Variants in PCDHA13 observed in about 807,000 individuals in gnomAD.
PCDHA13 encodes the protein protocadherin alpha 13.
A neutral mutation model predicts 64.8 loss-of-function variants in PCDHA13; 54 were observed. The observed-to-expected ratio is 0.83, with a 90% CI of 0.67 to 1.04. The LOEUF (loss-of-function observed/expected upper bound fraction) is 1.04, where lower values mean the gene tolerates loss of function less well. Among genes scored for constraint, PCDHA13 ranks in the 50% least tolerant of loss-of-function variants. PCDHA13 has a pLI of 0.00. For synonymous variants in PCDHA13, 587 were observed against 564.4 expected (o/e 1.04, Z -0.57); for missense variants, 1,248 against 1,254.3 (o/e 0.99, Z 0.08).
chr5:140,883,533 A>T lies in PCDHA13; in HGVS notation c.1265A>T (p.Glu422Val). 1.2e-6 allele frequency: 2 copies of T among 1,614,190 alleles called. No individual in the cohort carries two copies. The highest frequency in any genetic ancestry group is 2.2e-5 in the South Asian group (2 of 91,080). Residue 422 changes from glutamate (E) to valine (V), a missense_variant, in exon 1 of 4, where the codon GAA becomes GTA. Transcript: ENST00000289272. Reference protein sequence around the residue: ...ALDRESVSAYELVVTARDGGS... With the variant: ...ALDRESVSAYVLVVTARDGGS... ...GACCGCGAGAGCGTATCAGCCTATG[A>T]ACTGGTGGTGACCGCGCGGGACGGG...
Position 140,893,829 on chromosome 5 carries a change from A to G in PCDHA13, c.2394+9167A>G, listed in dbSNP as rs528174798. On this transcript the variant is annotated intron_variant, in intron 1 of 3. Transcript: ENST00000289272. ...TTGAGTCTGGTACCGTAGACTACTC[A>G]GCCATCCTGATGCCCTACCTCTTGT... Among the ~76,000 whole-genome samples the G allele has an allele frequency of 2.0e-5, 3 of 152,296 alleles. No homozygotes were observed. The South Asian group carries it at 6.2e-4, about 32-fold the overall frequency.
At chr5:140,966,198 T>C in intron 1 of PCDHA13, 1 of 214,428 alleles carries the variant, frequency 4.7e-6, no homozygotes, top group Non-Finnish European at 9.1e-6. Context: ...TTCTAGGGGC[T>C]TGACTGCTTT....
At chr5:140,970,693 G>C (rs2096425356) in intron 1 of PCDHA13, among the ~76,000 whole-genome samples, 1 of 152,134 alleles carries the variant, frequency 6.6e-6, no homozygotes, top group South Asian at 2.1e-4. Flanking sequence ...AGGGCTTTTA[G>C]AGCTACTACA....
chr5:140,924,901 A>AATAAAAT lies in PCDHA13; in HGVS notation c.2394+40240_2394+40241insTAAAATA, dbSNP rs145282866. On this transcript the variant is annotated intron_variant, in intron 1 of 3. Transcript: ENST00000289272. The stretch of plus-strand genomic sequence containing the variant: ...CAGAGCAAGAACCTGTCTCAAAAAA[A>AATAAAAT]AAAATAAAATAAAATAAAATAAAAT... 2.3e-3 allele frequency among the ~76,000 whole-genome samples: 186 copies of AATAAAAT among 80,480 alleles called. 2 individuals carry two copies. The highest frequency in any genetic ancestry group is 0.012 in the Middle Eastern group (2 of 162). The allele number at this position is 80,480 out of a possible 152,430, so 52.8% of individuals were successfully genotyped here. A position where few individuals can be genotyped will look rare whatever the true frequency, so the allele number is the denominator to read the frequency against.
intron 1 of PCDHA13, chr5:140,927,725 C>T (rs782731204): frequency 1.2e-6 from 2 of 1,614,202 alleles, no homozygotes; most frequent in South Asian, 2.2e-5. Flanking sequence ...AGCACGCAAG[C>T]AGAGCTGCGA....
At chr5:140,916,261 A>C (rs2077497892) in intron 1 of PCDHA13, among the ~76,000 whole-genome samples, 1 of 152,168 alleles carries the variant, frequency 6.6e-6, no homozygotes. Context: ...GGACCCCAAG[A>C]GCATGCTTGT....
chr5:140,976,190 C>T (rs1402016343), intron 1 of PCDHA13, among the ~76,000 whole-genome samples: 17 of 152,040 alleles, frequency 1.1e-4, no homozygotes, highest in African/African-American at 4.1e-4. Context: ...AATCAATATC[C>T]TGGAAACTCA....
At chr5:141,004,142 G>C (rs1323224367) in intron 3 of PCDHA13, among the ~76,000 whole-genome samples, 1 of 152,214 alleles carries the variant, frequency 6.6e-6, no homozygotes, top group African/African-American at 2.4e-5. Flanking sequence ...TGCCCCAAAG[G>C]CATGACATTT....
chr5:140,923,792 T>G (rs2081513332), intron 1 of PCDHA13, among the ~76,000 whole-genome samples: 1 of 152,310 alleles, frequency 6.6e-6, no homozygotes, highest in South Asian at 2.1e-4. Flanking sequence ...CTTCATTCTT[T>G]TCACAAATGA....
At chr5:140,958,339 G>A (rs1177083248) in intron 1 of PCDHA13, among the ~76,000 whole-genome samples, 2 of 152,024 alleles carry the variant, frequency 1.3e-5, no homozygotes, top group African/African-American at 4.8e-5. Context: ...TAAATCACAG[G>A]AAGTTCACAG....
chr5:140,951,243 A>G (rs1192486913), intron 1 of PCDHA13, among the ~76,000 whole-genome samples: 3 of 152,172 alleles, frequency 2.0e-5, no homozygotes, highest in Non-Finnish European at 4.4e-5. Context: ...ACCTTTAGGA[A>G]TGCATCACAT....
intron 1 of PCDHA13, among the ~76,000 whole-genome samples, chr5:140,912,408 T>A (rs1376927432): frequency 6.6e-6 from 1 of 152,054 alleles, no homozygotes; most frequent in Non-Finnish European, 1.5e-5. Flanking sequence ...TCAGCTTGGT[T>A]ATTATTGGTG....
chr5:140,914,619 T>G (rs1554196515), intron 1 of PCDHA13, among the ~76,000 whole-genome samples: 1 of 152,194 alleles, frequency 6.6e-6, no homozygotes, highest in African/African-American at 2.4e-5. Context: ...TTTTGTAATT[T>G]GTTTTCTCGT....
At position 140,882,307 on chromosome 5, in the gene PCDHA13, A is replaced by G. The variant is rs2153383804; in HGVS notation, c.39A>G (p.Gln13=). Reference sequence around the variant, plus strand: ...GGCAAGGAGGCCCAAGACCGCGGCAACTACTGCTCTGGCTTCTGATCCTCG... The same window carrying G: ...GGCAAGGAGGCCCAAGACCGCGGCAGCTACTGCTCTGGCTTCTGATCCTCG... The part of the protein sequence containing the change: ...SSWQGGPRPR[Q]LLLWLLILAA... The change falls in exon 1 of 4, where the codon CAA becomes CAG. Residue 13 remains glutamine, a synonymous_variant. Coordinates refer to ENST00000289272, the MANE Select transcript of PCDHA13 (RefSeq NM_018904.3). 6.2e-7 allele frequency: 1 copy of G among 1,613,900 alleles called. No individual in the cohort carries two copies. The highest frequency in any genetic ancestry group is 1.1e-5 in the South Asian group (1 of 91,074).
At chr5:140,905,669 A>G (rs781948009) in intron 1 of PCDHA13, among the ~76,000 whole-genome samples, 11 of 152,228 alleles carry the variant, frequency 7.2e-5, no homozygotes, top group Admixed American at 2.0e-4. Flanking sequence ...ATCCATTAAC[A>G]TGGAACATAT....
At chr5:140,888,426 C>G (rs1315110358) in intron 1 of PCDHA13, among the ~76,000 whole-genome samples, 1 of 152,168 alleles carries the variant, frequency 6.6e-6, no homozygotes, top group Non-Finnish European at 1.5e-5. Flanking sequence ...CTACCGTGCA[C>G]AGGACAGCCG....
At chr5:140,995,570 A>G (rs186345842) in intron 3 of PCDHA13, among the ~76,000 whole-genome samples, 1 of 152,210 alleles carries the variant, frequency 6.6e-6, no homozygotes, top group African/African-American at 2.4e-5. Flanking sequence ...ATATGTCAAG[A>G]TGAGCTATGA....
rs1290626143 is a variant in PCDHA13 at position 141,010,228 on chromosome 5, C to G, written c.*291C>G. On this transcript the variant is annotated 3_prime_UTR_variant, in exon 4 of 4. Transcript: ENST00000289272. ...CCGCAAAGGAGAGGCTTCCCAGCCC[C>G]GCCAGTGAGAGGTTGGACTCTCTGC... The G allele has an allele frequency of 1.1e-5, 17 of 1,551,916 alleles. No individual in the cohort carries two copies. Among genetic ancestry groups the G allele is most frequent in the Non-Finnish European group, 1.5e-5 (17 of 1,147,054 alleles).
intron 1 of PCDHA13, among the ~76,000 whole-genome samples, chr5:140,896,201 C>G (rs1583224545): frequency 6.6e-6 from 1 of 152,344 alleles, no homozygotes; most frequent in African/African-American, 2.4e-5. Context: ...CCATGATGAA[C>G]ATACACATAC....
Sources: gnomAD v4.1 joint callset for allele counts (sites outside exome capture counted in the v4.1 genomes callset) on GRCh38, gnomAD v4.1.1 for gene constraint, MANE v1.5 for transcripts, NCBI Gene and HGNC (gene_info 2026-07-23, HGNC 2026-07-21) for gene names.